The following TMEM132B variants were observed in gnomAD, a reference collection of about 807,000 sequenced individuals.
TMEM132B encodes transmembrane protein 132B.
In TMEM132B, 18 loss-of-function variants were observed where a neutral mutation model predicts 90.8. The ratio of observed to expected loss-of-function variants is 0.20; its 90% CI spans 0.14 to 0.29. The LOEUF (loss-of-function observed/expected upper bound fraction) is 0.29, where lower values mean the gene tolerates loss of function less well. Among genes scored for constraint, TMEM132B ranks in the 10% least tolerant of loss-of-function variants. The pLI is 1.00. For missense variants in TMEM132B, 1,096 were observed against 1,326.8 expected (o/e 0.83, Z 2.70); for synonymous variants, 504 against 523.3 (o/e 0.96, Z 0.50).
At chr12:125,325,442 C>T (rs6488995) in intron 1 of TMEM132B, among the ~76,000 whole-genome samples, 57,622 of 151,914 alleles carry the variant, frequency 0.38, 11,119 homozygotes, top group African/African-American at 0.44. Flanking sequence ...ATGACAATAT[C>T]GGAGAAGTGA....
chr12:125,463,068 G>T (rs916649061), intron 3 of TMEM132B, among the ~76,000 whole-genome samples: 2 of 152,116 alleles, frequency 1.3e-5, no homozygotes, highest in Non-Finnish European at 2.9e-5. Flanking sequence ...AGTTTGCAGG[G>T]TAATAATTTA....
At chr12:125,220,782 T>C (rs575194111) in intron 1 of TMEM132B, among the ~76,000 whole-genome samples, 1 of 152,248 alleles carries the variant, frequency 6.6e-6, no homozygotes, top group Admixed American at 6.5e-5. Context: ...CTTAAGCTGC[T>C]AAATCAGTTC....
Position 125,660,863 on chromosome 12 carries a change from G to A in TMEM132B, c.*6153G>A, listed in dbSNP as rs1159960981. On this transcript the variant is annotated 3_prime_UTR_variant, in exon 9 of 9. Transcript: ENST00000682704. ...CACGGGAGTCTCTTTAGATGCTGCA[G>A]GAACTGAGAGGATAGAAGACCTCTC... is the stretch of plus-strand genomic sequence containing the variant. 2 of 152,208 alleles carry A rather than the reference G, an allele frequency of 1.3e-5. No homozygotes were observed. Among genetic ancestry groups the A allele is most frequent in the Non-Finnish European group, 2.9e-5 (2 of 68,046 alleles). The allele number at this position is 152,208 out of a possible 1,614,324, so 9.4% of individuals were successfully genotyped here.
rs188941770 is a variant in TMEM132B, at chr12:125,270,636, A to T, written c.68-78816A>T. The stretch of plus-strand genomic sequence containing the variant: ...TGCTTCCAGGAGCAGAGTGAAACAC[A>T]CCTCAGGACTGTTCACCAAAGACAC... On this transcript the variant is annotated intron_variant, in intron 1 of 8. Transcript: ENST00000682704. Among the ~76,000 whole-genome samples, 981 of 152,186 alleles carry T rather than the reference A, an allele frequency of 6.4e-3. 5 individuals are homozygous for T. The highest frequency in any genetic ancestry group is 0.017 in the Middle Eastern group (5 of 294).
rs2136043443 is a variant in TMEM132B at position 125,186,924 on chromosome 12, A to G, written c.67+58A>G. ...GGCCGAGGCGCACAAAGTTGGGTGA[A>G]CGGGCGGCTACCTCCTTCTCAAGTC... On this transcript the variant is annotated intron_variant, in intron 1 of 8. Transcript: ENST00000682704. This position sits in a 1 kb window ranked among gnomAD's most constrained non-coding sequence, Gnocchi z 6.3. The G allele has an allele frequency of 6.6e-6, 1 of 152,306 alleles. No homozygotes were observed. The highest frequency in any genetic ancestry group is 1.9e-4 in the East Asian group (1 of 5,146). The allele number at this position is 152,306 out of a possible 1,614,324, so 9.4% of individuals were successfully genotyped here. A position where few individuals can be genotyped will look rare whatever the true frequency, so the allele number is the denominator to read the frequency against.
chr12:125,223,871 G>C (rs973668873), intron 1 of TMEM132B, among the ~76,000 whole-genome samples: 1 of 152,034 alleles, frequency 6.6e-6, no homozygotes, highest in Non-Finnish European at 1.5e-5. Flanking sequence ...CTGCCTCCTG[G>C]GTTCAAGTGA....
chr12:125,393,591 C>T (rs1215823954), intron 2 of TMEM132B, among the ~76,000 whole-genome samples: 1 of 152,080 alleles, frequency 6.6e-6, no homozygotes, highest in African/African-American at 2.4e-5. Context: ...TCAGGCATAG[C>T]AAACGGTATA....
At chr12:125,516,557 A>C (rs934557022) in intron 3 of TMEM132B, among the ~76,000 whole-genome samples, 2 of 152,212 alleles carry the variant, frequency 1.3e-5, no homozygotes, top group Non-Finnish European at 2.9e-5. Flanking sequence ...TCCAGCTCAC[A>C]AGCTGGGAAA....
At chr12:125,208,650 T>C (rs182615093) in intron 1 of TMEM132B, among the ~76,000 whole-genome samples, 1 of 152,356 alleles carries the variant, frequency 6.6e-6, no homozygotes, top group African/African-American at 2.4e-5. Flanking sequence ...TGGAATCGTC[T>C]TCCACTGTAT....
intron 1 of TMEM132B, among the ~76,000 whole-genome samples, chr12:125,204,307 C>T (rs1287126890): frequency 1.5e-5 from 2 of 134,032 alleles, no homozygotes; most frequent in African/African-American, 2.5e-5. Context: ...ATGAGGGCTC[C>T]GTGTGCCAGG....
chr12:125,432,861 A>G (rs900464523), intron 3 of TMEM132B, among the ~76,000 whole-genome samples: 4 of 152,040 alleles, frequency 2.6e-5, no homozygotes, highest in African/African-American at 9.7e-5. Context: ...TTAATCTGCT[A>G]TGTGAGAATG....
chr12:125,258,431 A>G (rs1044208891), intron 1 of TMEM132B, among the ~76,000 whole-genome samples: 1 of 152,120 alleles, frequency 6.6e-6, no homozygotes, highest in Non-Finnish European at 1.5e-5. Context: ...CCTCATTCAT[A>G]TGTCTGGCTC....
chr12:125,261,503 T>C (rs1013915583), intron 1 of TMEM132B, among the ~76,000 whole-genome samples: 1 of 152,184 alleles, frequency 6.6e-6, no homozygotes, highest in Non-Finnish European at 1.5e-5. Context: ...TGGTGATATT[T>C]GGTGAGAGGT....
At chr12:125,208,136 G>C (rs963234297) in intron 1 of TMEM132B, among the ~76,000 whole-genome samples, 2 of 152,204 alleles carry the variant, frequency 1.3e-5, no homozygotes, top group Non-Finnish European at 2.9e-5. Flanking sequence ...CACAGAGCCA[G>C]AGCTTGAACC....
In TMEM132B at chr12:125,644,272, C is replaced by T; in HGVS notation, c.1634C>T (p.Ala545Val). ...QIKGWRIPVAANRRPTRESDD... is the reference protein window; with the variant it reads ...QIKGWRIPVAVNRRPTRESDD... Reference sequence around the variant, plus strand: ...AAGGGCTGGAGGATCCCGGTTGCTGCCAACAGAAGGTGAGGAATCAAAGAG... The same window carrying T: ...AAGGGCTGGAGGATCCCGGTTGCTGTCAACAGAAGGTGAGGAATCAAAGAG... The change falls in exon 6 of 9, where the codon GCC (alanine) becomes GTC (valine). Residue 545 changes from alanine (A) to valine (V), a missense_variant. Physicochemically the swap from Ala to Val is moderately conservative, Grantham distance 64 (BLOSUM62 0). Transcript: ENST00000682704. 1 of 1,614,046 alleles carries T rather than the reference C, an allele frequency of 6.2e-7. No individual in the cohort carries two copies. The highest frequency in any genetic ancestry group is 1.1e-5 in the South Asian group (1 of 91,064).
intron 5 of TMEM132B, among the ~76,000 whole-genome samples, chr12:125,605,399 T>C (rs1446355081): frequency 6.6e-6 from 1 of 152,184 alleles, no homozygotes; most frequent in African/African-American, 2.4e-5. Flanking sequence ...CAAGTCTCTA[T>C]ATTGTGTCTG....
rs1307524648 is a variant in TMEM132B, at chr12:125,256,083, G to A, written c.67+69217G>A. Reference sequence around the variant, plus strand: ...ATTCTGGGTCAGTCAGTGCGTTCATGTCCTGGCCCCTGTCATCAAACTCTG... The same window carrying A: ...ATTCTGGGTCAGTCAGTGCGTTCATATCCTGGCCCCTGTCATCAAACTCTG... On this transcript the variant is annotated intron_variant, in intron 1 of 8. Coordinates refer to ENST00000682704, the MANE Select transcript of TMEM132B (RefSeq NM_001366854.1). Among the ~76,000 whole-genome samples the A allele has an allele frequency of 2.6e-5, 4 of 152,080 alleles. 1 individual carries two copies. In the South Asian group the frequency reaches 6.2e-4, roughly 24 times the overall value.
At chr12:125,334,395 G>GACTGCAA (rs56156280) in intron 1 of TMEM132B, among the ~76,000 whole-genome samples, 1 of 151,602 alleles carries the variant, frequency 6.6e-6, no homozygotes, top group African/African-American at 2.4e-5. Context: ...GGCGAGGAAG[G>GACTGCAA]GGAGAGGAGC....
chr12:125,554,237 C>T (rs926152216), intron 4 of TMEM132B, among the ~76,000 whole-genome samples: 7 of 151,636 alleles, frequency 4.6e-5, no homozygotes, highest in African/African-American at 1.7e-4. Context: ...TGCTGGCTAA[C>T]ATGGTGAAAC....
Sources: gnomAD v4.1 joint callset for allele counts (sites outside exome capture counted in the v4.1 genomes callset) on GRCh38, gnomAD v4.1.1 for gene constraint, Gnocchi (gnomAD v3.1) non-coding constraint, MANE v1.5 for transcripts, NCBI Gene and HGNC (gene_info 2026-07-23, HGNC 2026-07-21) for gene names.